P3H2: variants seen among roughly 807,000 people sequenced by gnomAD.
P3H2 encodes the protein leprecan-like 1.
A neutral mutation model predicts 87.0 loss-of-function variants in P3H2; 80 were observed. The ratio of observed to expected loss-of-function variants is 0.92; its 90% CI spans 0.77 to 1.11. The LOEUF (loss-of-function observed/expected upper bound fraction) is 1.11. P3H2 is among the 50% of genes least tolerant of loss of function. The pLI is 0.00. For synonymous variants in P3H2, 367 were observed against 359.3 expected, an observed-to-expected ratio of 1.02 and a Z score of -0.24; for missense variants, 1,001 against 923.9, an observed-to-expected ratio of 1.08 and a Z score of -1.08.
At chr3:190,095,474 T>C (rs1560399203) in intron 1 of P3H2, among the ~76,000 whole-genome samples, 1 of 150,158 alleles carries the variant, frequency 6.7e-6, no homozygotes, top group Non-Finnish European at 1.5e-5. Context: ...TCCAAAAGTT[T>C]ACAAGGAGAA....
At chr3:190,085,706 C>T (rs908595371) in intron 1 of P3H2, among the ~76,000 whole-genome samples, 6 of 152,024 alleles carry the variant, frequency 3.9e-5, no homozygotes, top group African/African-American at 1.5e-4. Context: ...TATTTATGTA[C>T]AAAAGTGACT....
intron 13 of P3H2, among the ~76,000 whole-genome samples, chr3:189,966,123 A>AAAAAGAAAGAAAGAAAGAAAAAG (rs1553871114): frequency 9.8e-6 from 1 of 102,192 alleles, no homozygotes; most frequent in Non-Finnish European, 1.9e-5. Flanking sequence ...GAAAGAAAGA[A>AAAAAGAAAGAAAGAAAGAAAAAG]AAAGAAAGAA....
intron 1 of P3H2, among the ~76,000 whole-genome samples, chr3:190,111,928 G>C (rs150524407): frequency 6.6e-6 from 1 of 152,342 alleles, no homozygotes; most frequent in African/African-American, 2.4e-5. Context: ...TGCTCAGAGA[G>C]AGAAAAGTAA....
chr3:190,105,551 CTTCCT>C (rs1711799696), intron 1 of P3H2, among the ~76,000 whole-genome samples: 1 of 152,274 alleles, frequency 6.6e-6, no homozygotes, highest in South Asian at 2.1e-4. Flanking sequence ...ATTTGTGTAA[CTTCCT>C]TTCAAGTTTT....
At chr3:190,071,303 T>C (rs1360380349) in intron 1 of P3H2, among the ~76,000 whole-genome samples, 1 of 152,224 alleles carries the variant, frequency 6.6e-6, no homozygotes, top group Non-Finnish European at 1.5e-5. Context: ...GACTTTTCAA[T>C]GCCAGTCCTT....
intron 1 of P3H2, among the ~76,000 whole-genome samples, chr3:190,053,114 C>T (rs1463255214): frequency 6.6e-6 from 1 of 152,146 alleles, no homozygotes; most frequent in Non-Finnish European, 1.5e-5. Flanking sequence ...GTATTCCATT[C>T]TAGGACAATA....
chr3:190,074,589 A>G (rs1386078408), intron 1 of P3H2, among the ~76,000 whole-genome samples: 2 of 152,134 alleles, frequency 1.3e-5, no homozygotes, highest in Non-Finnish European at 2.9e-5. Flanking sequence ...AAAAAAAAAG[A>G]TATCACCTAA....
At chr3:189,974,469 G>A in intron 9 of P3H2, 89 bp downstream of exon 9, 1 of 1,545,496 alleles carries the variant, frequency 6.5e-7, no homozygotes, top group Admixed American at 1.7e-5. Context: ...AGGGCTTGTT[G>A]TCTGGCTCCA....
chr3:189,969,267 T>C (rs562043861), intron 13 of P3H2: 9 of 856,330 alleles, frequency 1.1e-5, no homozygotes, highest in Admixed American at 6.9e-5. Context: ...GAACCACCTC[T>C]GGAACTGTGG....
chr3:190,039,611 G>A (rs964609693), intron 1 of P3H2, among the ~76,000 whole-genome samples: 1 of 152,172 alleles, frequency 6.6e-6, no homozygotes, highest in Admixed American at 6.5e-5. Flanking sequence ...ATAAAGATAG[G>A]GAAAACAAAG....
intron 6 of P3H2, among the ~76,000 whole-genome samples, chr3:189,986,452 T>G (rs1045442928): frequency 2.0e-5 from 3 of 151,816 alleles, no homozygotes; most frequent in Non-Finnish European, 2.9e-5. Flanking sequence ...AGCTGGGCAT[T>G]GTGGCGTGTG....
chr3:189,991,740 C>T (rs1723883477), intron 3 of P3H2, among the ~76,000 whole-genome samples: 1 of 152,170 alleles, frequency 6.6e-6, no homozygotes, highest in African/African-American at 2.4e-5. Flanking sequence ...TACACAAGTG[C>T]CCAATCATGA....
In P3H2 at chr3:189,995,355, T is replaced by C. The variant is rs578162225; in HGVS notation, c.568A>G (p.Asn190Asp). ...EHMEMQQNIE[N>D]YRATAGVEAL... The stretch of plus-strand genomic sequence containing the variant: ...TCAACACCAGCTGTCGCCCTGTAAT[T>C]CTCAATGTTCTGCTGCATTTCCATG... Residue 190 changes from asparagine to aspartate, a missense_variant, in exon 2 of 15, where the codon AAT (asparagine) becomes GAT (aspartate). Physicochemically the swap from Asn to Asp is conservative, Grantham distance 23. Transcript: ENST00000319332. 176 of 1,614,082 alleles carry C rather than the reference T, an allele frequency of 1.1e-4. No homozygotes were observed. In the South Asian group the frequency reaches 1.8e-3, roughly 16 times the overall value.
At position 189,963,812 on chromosome 3, in the gene P3H2, A is replaced by G. The variant is rs1722889374; in HGVS notation, c.2034+146T>C. 10 of 798,190 alleles carry G rather than the reference A, an allele frequency of 1.3e-5. No homozygotes were observed. In the South Asian group the frequency reaches 1.4e-4, roughly 11 times the overall value. The allele number at this position is 798,190 out of a possible 1,614,324, so 49.4% of individuals were successfully genotyped here. A position where few individuals can be genotyped will look rare whatever the true frequency, so the allele number is the denominator to read the frequency against. On this transcript the variant is annotated intron_variant, in intron 14 of 14. Coordinates refer to ENST00000319332, the MANE Select transcript of P3H2 (RefSeq NM_018192.4). ...ATATCATTGACACAGCTATTTCTAC[A>G]AACATCTTCACTTACTAGAACATAT...
At chr3:190,053,762 G>T (rs1266283887) in intron 1 of P3H2, among the ~76,000 whole-genome samples, 1 of 152,038 alleles carries the variant, frequency 6.6e-6, no homozygotes, top group Non-Finnish European at 1.5e-5. Flanking sequence ...CCAGCCAAAA[G>T]TGTCTTTTGA....
At chr3:190,107,493 CT>C in intron 1 of P3H2, among the ~76,000 whole-genome samples, 1 of 152,164 alleles carries the variant, frequency 6.6e-6, no homozygotes, top group Non-Finnish European at 1.5e-5. Flanking sequence ...CAAATATTTC[CT>C]CATTTTGTCC....
At chr3:190,013,670 T>G (rs1437307527) in intron 1 of P3H2, among the ~76,000 whole-genome samples, 1 of 152,218 alleles carries the variant, frequency 6.6e-6, no homozygotes, top group South Asian at 2.1e-4. Context: ...ACTTTTAACA[T>G]CCTTTAGGGA....
intron 1 of P3H2, among the ~76,000 whole-genome samples, chr3:190,000,220 C>G (rs954205206): frequency 6.6e-6 from 1 of 152,178 alleles, no homozygotes; most frequent in Non-Finnish European, 1.5e-5. Context: ...CAACTCTTTC[C>G]AGAGAAACTG....
chr3:190,090,962 T>G (rs1727392706), intron 1 of P3H2, among the ~76,000 whole-genome samples: 1 of 151,922 alleles, frequency 6.6e-6, no homozygotes, highest in Admixed American at 6.5e-5. Flanking sequence ...TCTCATGTAT[T>G]ATTTTTTTAT....
Sources: allele counts gnomAD v4.1 joint callset (sites outside exome capture counted in the v4.1 genomes callset), GRCh38; gene constraint gnomAD v4.1.1; transcripts MANE v1.5; gene names NCBI Gene and HGNC (gene_info 2026-07-23, HGNC 2026-07-21).